The following SRCAP variants were observed in gnomAD, a reference collection of about 807,000 sequenced individuals.
The protein encoded by SRCAP is chromatin remodeling protein SRCAP.
Under a neutral mutation model 263.1 loss-of-function variants are expected in SRCAP, and 46 were observed. The observed-to-expected ratio is 0.17, with a 90% CI of 0.14 to 0.22. SRCAP has a LOEUF of 0.22. Among genes scored for constraint, SRCAP ranks in the 10% least tolerant of loss-of-function variants. The pLI, the probability that SRCAP is intolerant of heterozygous loss-of-function variation, is 1.00. For synonymous variants in SRCAP, 1,813 were observed against 1,662.1 expected (o/e 1.09, Z -2.21); for missense variants, 3,695 against 4,181.9 (o/e 0.88, Z 3.21).
intron 21 of SRCAP, 24 bp from the exon 22 acceptor site, chr16:30,722,098 C>T (rs768017901): frequency 6.7e-5 from 108 of 1,606,304 alleles, no homozygotes; most frequent in Non-Finnish European, 8.6e-5. Flanking sequence ...GCCTTGTGTA[C>T]AATAAGGCCT....
Position 30,736,249 on chromosome 16 carries a change from C to T in SRCAP, c.6779C>T (p.Ala2260Val). 6.2e-7 allele frequency: 1 copy of T among 1,614,130 alleles called. No individual in the cohort carries two copies. The highest frequency in any genetic ancestry group is 8.5e-7 in the Non-Finnish European group (1 of 1,180,034). Residue 2260 changes from alanine to valine, a missense_variant, in exon 32 of 34, where the codon GCC becomes GTC. By Grantham distance (64) the Ala-to-Val change is moderately conservative. Around this residue, in one of 12 missense-constraint regions of SRCAP, gnomAD observed 91 missense variants for 150.6 expected, o/e 0.60. Coordinates refer to ENST00000262518, the MANE Select transcript of SRCAP (RefSeq NM_006662.3). ...GAGGATATCCGTGCAGCCACCCAGG[C>T]CAAGGCTGAACAGGTGGCTGAGCTT... The part of the protein sequence containing the change: ...DEEDIRAATQ[A>V]KAEQVAELAE...
rs79592585 is a variant in SRCAP, at chr16:30,724,407, A to G, written c.4983A>G (p.Gln1661=). The change falls in exon 25 of 34, where the codon CAA becomes CAG. Residue 1661 remains glutamine (Q), a synonymous_variant. Coordinates refer to ENST00000262518, the MANE Select transcript of SRCAP (RefSeq NM_006662.3). ...PTPVLAPSST[Q]TMLPAPVPSP... Reference sequence around the variant, plus strand: ...CTGTGTTGGCTCCATCATCAACTCAAACTATGCTACCAGCCCCGGTTCCGT... The same window carrying G: ...CTGTGTTGGCTCCATCATCAACTCAGACTATGCTACCAGCCCCGGTTCCGT... 1.2e-6 allele frequency: 2 copies of G among 1,613,794 alleles called. No individual in the cohort carries two copies. The highest frequency in any genetic ancestry group is 1.7e-6 in the Non-Finnish European group (2 of 1,179,966).
rs1281456126 is a variant in SRCAP at position 30,718,623 on chromosome 16, C to T, written c.2818-1539C>T. On this transcript the variant is annotated intron_variant, in intron 18 of 33. Coordinates refer to ENST00000262518, the MANE Select transcript of SRCAP (RefSeq NM_006662.3). ...AGTAACTGGGACTACAGGTGTGTGC[C>T]ACCACTCCCAGCTAATTTTTGTATT... is the stretch of plus-strand genomic sequence containing the variant. 2.6e-5 allele frequency among the ~76,000 whole-genome samples: 4 copies of T among 151,864 alleles called. No individual in the cohort carries two copies. The East Asian group carries it at 7.7e-4, about 29-fold the overall frequency.
intron 16 of SRCAP, among the ~76,000 whole-genome samples, chr16:30,714,039 A>T (rs2052919366): frequency 6.8e-6 from 1 of 147,220 alleles, no homozygotes; most frequent in Non-Finnish European, 1.5e-5. Context: ...CCAGGACTAC[A>T]GGCACCCGCC....
chr16:30,730,441 T>C (rs1305928904), intron 27 of SRCAP, among the ~76,000 whole-genome samples: 1 of 151,328 alleles, frequency 6.6e-6, no homozygotes, highest in Admixed American at 6.6e-5. Flanking sequence ...TCTTTCTTTC[T>C]TTTTTTTTCA....
rs1442751602 is a variant in SRCAP at position 30,737,193 on chromosome 16, G to C, written c.7153G>C (p.Ala2385Pro). Reference sequence around the variant, plus strand: ...AGGCACCCACCGGCGCAGTAAAAAGGCCAAAGCCCCTGAGAGGCCGGGGAC... The same window carrying C: ...AGGCACCCACCGGCGCAGTAAAAAGCCCAAAGCCCCTGAGAGGCCGGGGAC... Reference protein sequence around the residue: ...GGGTHRRSKKAKAPERPGTRV... With the variant: ...GGGTHRRSKKPKAPERPGTRV... The change falls in exon 34 of 34, where the codon GCC becomes CCC. Residue 2385 changes from alanine to proline, a missense_variant. Physicochemically the swap from Ala to Pro is conservative, Grantham distance 27. Coordinates refer to ENST00000262518, the MANE Select transcript of SRCAP (RefSeq NM_006662.3). The C allele has an allele frequency of 6.2e-7, 1 of 1,613,952 alleles. No individual in the cohort carries two copies. The highest frequency in any genetic ancestry group is 1.3e-5 in the African/African-American group (1 of 74,864).
In SRCAP at chr16:30,737,817, C is replaced by T. The variant is rs200333706; in HGVS notation, c.7777C>T (p.Leu2593=). Residue 2593 remains leucine, a synonymous_variant, in exon 34 of 34, where the codon CTG becomes TTG. Coordinates refer to ENST00000262518, the MANE Select transcript of SRCAP (RefSeq NM_006662.3). ...TCTGTTGCCAGTTGCTGTGGAGATC[C>T]TGCCTGTGTCAGAGAAGAACCTTTC... The part of the protein sequence containing the change: ...KDLLPVAVEI[L]PVSEKNLSLT... 2.1e-4 allele frequency: 343 copies of T among 1,614,152 alleles called. 2 individuals carry two copies. The East Asian group carries it at 6.0e-3, about 28-fold the overall frequency.
rs1248690680 is a variant in SRCAP at position 30,712,811 on chromosome 16, G to A, written c.2126G>A (p.Arg709Gln). ...GCCCAGAAAGAGAGGAAGCTCAAGCGGCAGGTTCGATGTTTCATGTGGTCA... is the reference window on the plus strand; with the variant it reads ...GCCCAGAAAGAGAGGAAGCTCAAGCAGCAGGTTCGATGTTTCATGTGGTCA... The part of the protein sequence containing the change: ...YGAQKERKLK[R>Q]QGWTKPNAFH... Residue 709 changes from arginine (R) to glutamine (Q), a missense_variant, in exon 14 of 34, where the codon CGG (arginine) becomes CAG (glutamine). Coordinates refer to ENST00000262518, the MANE Select transcript of SRCAP (RefSeq NM_006662.3). The A allele has an allele frequency of 6.2e-7, 1 of 1,614,014 alleles. No homozygotes were observed. Among genetic ancestry groups the A allele is most frequent in the Non-Finnish European group, 8.5e-7 (1 of 1,179,958 alleles).
intron 8 of SRCAP, chr16:30,710,524 CTTTA>C: frequency 1.3e-6 from 1 of 755,672 alleles, no homozygotes; most frequent in Non-Finnish European, 2.4e-6. Flanking sequence ...TGTTGGGTGC[CTTTA>C]TTTGTTACCT....
At chr16:30,719,579 T>C (rs1013981692) in intron 18 of SRCAP, among the ~76,000 whole-genome samples, 1 of 151,800 alleles carries the variant, frequency 6.6e-6, no homozygotes, top group African/African-American at 2.4e-5. Flanking sequence ...ATTGGCATGA[T>C]CATAGCTGAC....
intron 3 of SRCAP, among the ~76,000 whole-genome samples, chr16:30,702,132 T>C (rs1372235634): frequency 6.6e-6 from 1 of 151,518 alleles, no homozygotes; most frequent in Admixed American, 6.6e-5. Context: ...TTTTGTGTTT[T>C]TAGTAGAGAT....
In SRCAP at chr16:30,709,530, A is replaced by G. The variant is rs1160497946; in HGVS notation, c.651A>G (p.Gln217=). The part of the protein sequence containing the change: ...SNVEKVVQFK[Q]QSRLEEKRKK... ...TGTGGCAGGTGGTGCAATTCAAGCA[A>G]CAGTCCCGGCTTGAGGAAAAGCGCA... is the stretch of plus-strand genomic sequence containing the variant. Residue 217 remains glutamine (Q), a synonymous_variant, in exon 7 of 34, where the codon CAA becomes CAG. Coordinates refer to ENST00000262518, the MANE Select transcript of SRCAP (RefSeq NM_006662.3). 1.2e-6 allele frequency: 2 copies of G among 1,614,072 alleles called. No homozygotes were observed. Among genetic ancestry groups the G allele is most frequent in the Non-Finnish European group, 1.7e-6 (2 of 1,180,032 alleles).
intron 4 of SRCAP, among the ~76,000 whole-genome samples, chr16:30,704,892 C>T (rs1009904788): frequency 1.3e-5 from 2 of 152,272 alleles, no homozygotes; most frequent in South Asian, 2.1e-4. Flanking sequence ...CTGTGATGCT[C>T]TTAAGATTTA....
chr16:30,707,929 C>T (rs986441826), intron 6 of SRCAP, among the ~76,000 whole-genome samples: 2 of 152,200 alleles, frequency 1.3e-5, no homozygotes, highest in African/African-American at 2.4e-5. Context: ...GCCATCTGTC[C>T]CTTGCAGGGC....
In SRCAP at chr16:30,739,661, C is replaced by G. The variant is rs1271984701; in HGVS notation, c.9621C>G (p.Ile3207Met). ...VGTTNQGDQR[I>M]LRSSAPPSLA... ...CCACCAACCAAGGGGACCAGCGCAT[C>G]CTGCGCAGCAGCGCCCCTCCCTCCC... Residue 3207 changes from isoleucine (I) to methionine (M), a missense_variant, in exon 34 of 34, where the codon ATC (isoleucine) becomes ATG (methionine). Coordinates refer to ENST00000262518, the MANE Select transcript of SRCAP (RefSeq NM_006662.3). The G allele has an allele frequency of 6.3e-7, 1 of 1,583,140 alleles. No individual in the cohort carries two copies. Among genetic ancestry groups the G allele is most frequent in the Non-Finnish European group, 8.6e-7 (1 of 1,166,036 alleles).
intron 21 of SRCAP, among the ~76,000 whole-genome samples, chr16:30,721,895 G>A (rs990823393): frequency 1.3e-5 from 2 of 152,196 alleles, no homozygotes; most frequent in African/African-American, 4.8e-5. Flanking sequence ...GGCAGGCCAT[G>A]TTAGAGGATA....
chr16:30,710,577 G>T (rs1447906428), intron 8 of SRCAP, 177 bp from the exon 9 acceptor site: 1 of 812,104 alleles, frequency 1.2e-6, no homozygotes, highest in East Asian at 2.4e-5. Flanking sequence ...GTGGGGCCAG[G>T]ATTTGGTAGC....
intron 32 of SRCAP, 69 bp downstream of exon 32, chr16:30,736,463 C>T: frequency 6.2e-7 from 1 of 1,609,926 alleles, no homozygotes; most frequent in Non-Finnish European, 8.5e-7. Flanking sequence ...CTTTTGTCTT[C>T]CCTGGTGGGA....
chr16:30,705,512 G>T (rs2052817017), intron 4 of SRCAP, among the ~76,000 whole-genome samples: 1 of 148,182 alleles, frequency 6.7e-6, no homozygotes. Context: ...CCATTCTCTG[G>T]CCTCAGCCTC....
Sources: gnomAD v4.1 joint callset for allele counts (sites outside exome capture counted in the v4.1 genomes callset) on GRCh38, gnomAD v4.1.1 for gene constraint, gnomAD v4.1.1 regional missense constraint, MANE v1.5 for transcripts, NCBI Gene and HGNC (gene_info 2026-07-23, HGNC 2026-07-21) for gene names.